The following EDIL3 variants were observed in gnomAD, a reference collection of about 807,000 sequenced individuals.
EDIL3 encodes EGF like and discoidin domains 3.
Under a neutral mutation model 67.4 loss-of-function variants are expected in EDIL3, and 37 were observed. The observed-to-expected ratio is 0.55, with a 90% confidence interval of 0.42 to 0.72. EDIL3 has a LOEUF of 0.72. Ranked by LOEUF, EDIL3 falls within the 30% of genes least tolerant of loss-of-function variation. The pLI is 0.00. For missense variants in EDIL3, 527 were observed against 586.3 expected (o/e 0.90, Z 1.04); for synonymous variants, 195 against 196.3 (o/e 0.99, Z 0.05).
At chr5:84,174,857 T>G (rs538446287) in intron 4 of EDIL3, among the ~76,000 whole-genome samples, 3 of 152,250 alleles carry the variant, frequency 2.0e-5, no homozygotes, top group African/African-American at 7.2e-5. Flanking sequence ...CTGCCACATC[T>G]GGCAGCAATG....
intron 1 of EDIL3, among the ~76,000 whole-genome samples, chr5:84,296,265 A>G (rs1406324182): frequency 6.6e-6 from 1 of 152,210 alleles, no homozygotes; most frequent in African/African-American, 2.4e-5. Flanking sequence ...AGCTCCAGGC[A>G]GAGAAGTTCA....
chr5:84,117,047 A>G (rs60574802), intron 5 of EDIL3, among the ~76,000 whole-genome samples: 1 of 19,620 alleles, frequency 5.1e-5, no homozygotes, highest in Non-Finnish European at 8.5e-5. Flanking sequence ...TTTTTTTTTG[A>G]GACGGAGTCT....
At chr5:84,356,534 C>T (rs1671450590) in intron 1 of EDIL3, among the ~76,000 whole-genome samples, 1 of 152,212 alleles carries the variant, frequency 6.6e-6, no homozygotes, top group Non-Finnish European at 1.5e-5. Context: ...CATCACATCT[C>T]CTTCAAATCT....
At chr5:84,363,195 G>C (rs1214990222) in intron 1 of EDIL3, among the ~76,000 whole-genome samples, 1 of 151,878 alleles carries the variant, frequency 6.6e-6, no homozygotes, top group Non-Finnish European at 1.5e-5. Flanking sequence ...TGTATTGAAA[G>C]GTATAACCAA....
intron 10 of EDIL3, among the ~76,000 whole-genome samples, chr5:83,949,798 T>C (rs545087751): frequency 1.1e-4 from 17 of 151,822 alleles, no homozygotes; most frequent in Non-Finnish European, 2.5e-4. Flanking sequence ...GAGGAGTCTG[T>C]TTTTCACCCT....
chr5:84,063,124 A>G (rs914805418), intron 8 of EDIL3, among the ~76,000 whole-genome samples: 1 of 152,144 alleles, frequency 6.6e-6, no homozygotes, highest in East Asian at 1.9e-4. Flanking sequence ...AAATATATTC[A>G]CATCTTAGGG....
intron 5 of EDIL3, among the ~76,000 whole-genome samples, chr5:84,128,406 C>T (rs1747903857): frequency 6.6e-6 from 1 of 152,082 alleles, no homozygotes; most frequent in South Asian, 2.1e-4. Flanking sequence ...AATTGAACCT[C>T]ACTCTGACAG....
intron 4 of EDIL3, among the ~76,000 whole-genome samples, chr5:84,166,809 A>T (rs1580357558): frequency 6.6e-6 from 1 of 152,076 alleles, no homozygotes; most frequent in Non-Finnish European, 1.5e-5. Flanking sequence ...AAGGAAAGGG[A>T]GCAAGAATCA....
At chr5:84,127,129 TTAGA>T (rs1296849565) in intron 5 of EDIL3, among the ~76,000 whole-genome samples, 2 of 152,054 alleles carry the variant, frequency 1.3e-5, no homozygotes, top group Non-Finnish European at 1.5e-5. Flanking sequence ...GATTTCGTAG[TTAGA>T]TAATAGTGCT....
intron 1 of EDIL3, among the ~76,000 whole-genome samples, chr5:84,326,497 C>T (rs1041841926): frequency 1.4e-5 from 2 of 140,044 alleles, no homozygotes; most frequent in Non-Finnish European, 3.3e-5. Flanking sequence ...TTATTTAATA[C>T]CACCAAGCCC....
intron 2 of EDIL3, among the ~76,000 whole-genome samples, chr5:84,250,920 A>G (rs1185793431): frequency 6.6e-6 from 1 of 152,158 alleles, no homozygotes; most frequent in Non-Finnish European, 1.5e-5. Flanking sequence ...ACTAATATGT[A>G]AGGAAAAATA....
At chr5:84,319,745 C>T (rs1746595224) in intron 1 of EDIL3, among the ~76,000 whole-genome samples, 1 of 152,048 alleles carries the variant, frequency 6.6e-6, no homozygotes, top group East Asian at 1.9e-4. Context: ...AGTCTTGGAA[C>T]CAACTCAAAT....
intron 9 of EDIL3, among the ~76,000 whole-genome samples, chr5:84,050,357 A>G (rs987008625): frequency 4.6e-5 from 7 of 152,328 alleles, no homozygotes; most frequent in African/African-American, 1.7e-4. Flanking sequence ...CAGAATAGGA[A>G]CAGCTCCAGT....
intron 1 of EDIL3, among the ~76,000 whole-genome samples, chr5:84,351,651 A>G (rs1033861581): frequency 1.3e-5 from 2 of 152,204 alleles, no homozygotes; most frequent in East Asian, 1.9e-4. Flanking sequence ...TCATTTATGA[A>G]TTATTGCCTG....
intron 1 of EDIL3, among the ~76,000 whole-genome samples, chr5:84,346,141 T>TC (rs920154006): frequency 6.8e-6 from 1 of 147,748 alleles, no homozygotes; most frequent in African/African-American, 2.5e-5. Context: ...TTTTCTTTTT[T>TC]TTTTTTTTTT....
chr5:84,096,482 T>C (rs1408474770), intron 6 of EDIL3, among the ~76,000 whole-genome samples: 2 of 152,212 alleles, frequency 1.3e-5, no homozygotes, highest in Non-Finnish European at 2.9e-5. Flanking sequence ...CTGGGGCCAG[T>C]AGCCCCTTTG....
At chr5:84,332,109 C>T (rs1746884130) in intron 1 of EDIL3, among the ~76,000 whole-genome samples, 1 of 151,932 alleles carries the variant, frequency 6.6e-6, no homozygotes, top group South Asian at 2.1e-4. Context: ...TGGCTCATGC[C>T]TATAATCACA....
At chr5:84,082,277 T>C (rs114883842) in intron 6 of EDIL3, among the ~76,000 whole-genome samples, 35 of 152,326 alleles carry the variant, frequency 2.3e-4, no homozygotes, top group African/African-American at 8.2e-4. Context: ...TTGGGATCAA[T>C]TAAACATCAA....
At chr5:84,372,993 T>C (rs905236783) in intron 1 of EDIL3, among the ~76,000 whole-genome samples, 3 of 152,148 alleles carry the variant, frequency 2.0e-5, no homozygotes, top group Non-Finnish European at 4.4e-5. Context: ...CCCTCTTAAC[T>C]GGATACTGTT....
Sources: gnomAD v4.1 joint callset for allele counts (sites outside exome capture counted in the v4.1 genomes callset) on GRCh38, gnomAD v4.1.1 for gene constraint, MANE v1.5 for transcripts, NCBI Gene and HGNC (gene_info 2026-07-23, HGNC 2026-07-21) for gene names.